The following STON2 variants were observed in gnomAD, a reference collection of about 807,000 sequenced individuals.
STON2 encodes the protein stonin 2, also known as stonin-2.
Under a neutral mutation model 65.7 loss-of-function variants are expected in STON2, and 29 were observed. The ratio of observed to expected loss-of-function variants is 0.44; its 90% CI spans 0.33 to 0.60. The LOEUF (loss-of-function observed/expected upper bound fraction) is 0.60, where lower values mean the gene tolerates loss of function less well. STON2 is among the 20% of genes least tolerant of loss of function. The probability of loss-of-function intolerance (pLI) is 0.03; values close to 1 mark genes in which losing one functional copy is unlikely to be tolerated. For synonymous variants in STON2, 404 were observed against 414.2 expected, an observed-to-expected ratio of 0.98 and a Z score of 0.30; for missense variants, 1,054 against 1,118.1, an observed-to-expected ratio of 0.94 and a Z score of 0.82.
At chr14:81,428,269 G>T (rs1902079855) in intron 1 of STON2, among the ~76,000 whole-genome samples, 1 of 151,498 alleles carries the variant, frequency 6.6e-6, no homozygotes, top group African/African-American at 2.4e-5. Context: ...TTTTATGTTT[G>T]GCAAGGATGG....
At chr14:81,287,381 C>A (rs1895377069) in intron 5 of STON2, among the ~76,000 whole-genome samples, 1 of 152,148 alleles carries the variant, frequency 6.6e-6, no homozygotes, top group Admixed American at 6.5e-5. Flanking sequence ...AAATAAAGTA[C>A]CTGGTCAGAG....
chr14:81,364,680 CAA>C (rs1186449293), intron 4 of STON2, among the ~76,000 whole-genome samples: 1 of 152,008 alleles, frequency 6.6e-6, no homozygotes, highest in Admixed American at 6.6e-5. Flanking sequence ...CGGGAATTTT[CAA>C]AGTCTTTAAT....
At chr14:81,285,945 C>G (rs1356222215) in intron 5 of STON2, among the ~76,000 whole-genome samples, 1 of 152,064 alleles carries the variant, frequency 6.6e-6, no homozygotes, top group East Asian at 1.9e-4. Context: ...GTCAGGAGTC[C>G]GAGACCAGCC....
chr14:81,371,085 G>A lies in STON2; in HGVS notation c.474C>T (p.Asp158=). ...AACATCCAAAGCTAGGACTGCTGGT[G>A]TCTTCAGAATGGGTGGTCCAGCTGC... ...SESSWTTHSE[D]TSSPSFGCSY... is the part of the protein sequence containing the mutation. The change falls in exon 4 of 8, where the codon GAC becomes GAT. Residue 158 remains aspartate, a synonymous_variant. Transcript: ENST00000614646. 1 of 1,614,102 alleles carries A rather than the reference G, an allele frequency of 6.2e-7. No homozygotes were observed. The highest frequency in any genetic ancestry group is 8.5e-7 in the Non-Finnish European group (1 of 1,180,006).
rs57272750 is a variant in STON2 at position 81,405,476 on chromosome 14, T to TTTG, written c.-198-6897_-198-6896insCAA. Among the ~76,000 whole-genome samples, 2 of 148,048 alleles carry TTTG rather than the reference T, an allele frequency of 1.4e-5. 1 individual carries two copies. The highest frequency in any genetic ancestry group is 5.1e-5 in the African/African-American group (2 of 39,552). ...GTTACTATTGTTTTTTTTTTTTTTT[T>TTTG]GCTTGACTATGGTTTTTATTTTCCT... is the stretch of plus-strand genomic sequence containing the variant. On this transcript the variant is annotated intron_variant, in intron 2 of 8. Coordinates refer to the STON2 transcript ENST00000553821.
At chr14:81,269,931 C>A in intron 7 of STON2, 1 of 985,346 alleles carries the variant, frequency 1.0e-6, no homozygotes, top group Non-Finnish European at 1.2e-6. Flanking sequence ...AGCCCAGTAC[C>A]CAGGTCATGT....
rs1239310511 is a variant in STON2 at position 81,268,293 on chromosome 14, C to A, written c.*121G>T. 2 of 1,221,960 alleles carry A rather than the reference C, an allele frequency of 1.6e-6. No homozygotes were observed. Among genetic ancestry groups the A allele is most frequent in the Non-Finnish European group, 2.1e-6 (2 of 959,444 alleles). 75.7% of individuals were successfully genotyped at this position (1,221,960 alleles called of 1,614,324 possible). A position where few individuals can be genotyped will look rare whatever the true frequency, so the allele number is the denominator to read the frequency against. ...GGAAGATCTGGTATACTGTTCCCAA[C>A]ATGCAGTGGCCACAGCAGGTATTGA... On this transcript the variant is annotated 3_prime_UTR_variant, in exon 8 of 8. Coordinates refer to ENST00000614646, the MANE Select transcript of STON2 (RefSeq NM_001394390.1).
chr14:81,423,985 A>G (rs138592809), intron 2 of STON2, among the ~76,000 whole-genome samples: 1,571 of 152,246 alleles, frequency 0.01, 25 homozygotes, highest in African/African-American at 0.036. Flanking sequence ...TGCACTACTG[A>G]CATCCCCTAT....
At chr14:81,335,019 TTGTG>T (rs61658924) in intron 4 of STON2, among the ~76,000 whole-genome samples, 6,867 of 146,264 alleles carry the variant, frequency 0.047, 374 homozygotes, top group African/African-American at 0.13. Flanking sequence ...TTTTTTGTAT[TTGTG>T]TGTGTGTGTG....
At chr14:81,297,745 AAAT>A (rs1041156980) in intron 5 of STON2, among the ~76,000 whole-genome samples, 5 of 152,248 alleles carry the variant, frequency 3.3e-5, no homozygotes, top group African/African-American at 1.2e-4. Context: ...AAAGTAATAA[AAAT>A]AACTGGCCAG....
intron 4 of STON2, among the ~76,000 whole-genome samples, chr14:81,335,180 C>A (rs1018078518): frequency 2.6e-5 from 4 of 152,120 alleles, no homozygotes; most frequent in African/African-American, 9.6e-5. Context: ...AATTTTAAAT[C>A]TAAGAGTTGG....
At chr14:81,396,278 GA>G in intron 2 of STON2, 100 bp from the exon 3 acceptor site, 1 of 1,121,996 alleles carries the variant, frequency 8.9e-7, no homozygotes, top group Non-Finnish European at 1.3e-6. Context: ...GTGCCCGCAT[GA>G]CTCGCCACTG....
intron 5 of STON2, among the ~76,000 whole-genome samples, chr14:81,287,577 T>C (rs1021949090): frequency 7.9e-5 from 12 of 152,194 alleles, no homozygotes; most frequent in African/African-American, 2.9e-4. Context: ...TAGGACAGCC[T>C]GACCTGACAC....
At chr14:81,391,053 T>C (rs895937338) in intron 3 of STON2, among the ~76,000 whole-genome samples, 6 of 152,230 alleles carry the variant, frequency 3.9e-5, no homozygotes, top group Non-Finnish European at 7.3e-5. Flanking sequence ...ATGCATGTGA[T>C]TGCAGTTAAG....
chr14:81,371,676 T>TAA (rs34428344), intron 3 of STON2, among the ~76,000 whole-genome samples: 1 of 97,688 alleles, frequency 1.0e-5, no homozygotes, highest in African/African-American at 4.5e-5. Context: ...AGACTGAGTC[T>TAA]AAAAAAAAAA....
Position 81,413,204 on chromosome 14 carries a change from G to C in STON2, c.-199+13898C>G. On this transcript the variant is annotated intron_variant, in intron 2 of 8. Coordinates refer to the STON2 transcript ENST00000553821. The stretch of plus-strand genomic sequence containing the variant: ...CAAACACTTCATCTACTTCTACCTG[G>C]GCCAAGTGGCCATTCTTCTGTTCAA... 3 of 1,546,758 alleles carry C rather than the reference G, an allele frequency of 1.9e-6. 1 individual carries two copies. Among genetic ancestry groups the C allele is most frequent in the Middle Eastern group, 4.8e-4 (2 of 4,204 alleles).
Position 81,398,487 on chromosome 14 carries a change from TC to T in STON2, c.-106del. The stretch of plus-strand genomic sequence containing the variant: ...GGTATGGTAGTACGGTAGACTTGGG[TC>T]CAGGGTCTGTTCTAGGTGTCTTGCC... On this transcript the variant is annotated 5_prime_UTR_variant, in exon 2 of 8. Transcript: ENST00000614646. 1 of 821,164 alleles carries T rather than the reference TC, an allele frequency of 1.2e-6. No individual in the cohort carries two copies. Among genetic ancestry groups the T allele is most frequent in the Non-Finnish European group, 2.0e-6 (1 of 490,740 alleles). The allele number at this position is 821,164 out of a possible 1,614,324, so 50.9% of individuals were successfully genotyped here. A position where few individuals can be genotyped will look rare whatever the true frequency, so the allele number is the denominator to read the frequency against.
At chr14:81,426,988 A>C (rs1386587331) in intron 2 of STON2, 1 of 152,222 alleles carries the variant, frequency 6.6e-6, no homozygotes, top group Non-Finnish European at 1.5e-5. Context: ...CATTGATGTC[A>C]AAGTGCTTTA....
intron 1 of STON2, among the ~76,000 whole-genome samples, chr14:81,428,096 T>C (rs761970794): frequency 6.6e-6 from 1 of 152,200 alleles, no homozygotes; most frequent in Non-Finnish European, 1.5e-5. Flanking sequence ...TAAAATAACA[T>C]GGTATAACCA....
Sources: gnomAD v4.1 joint callset for allele counts (sites outside exome capture counted in the v4.1 genomes callset) on GRCh38, gnomAD v4.1.1 for gene constraint, MANE v1.5 for transcripts, NCBI Gene and HGNC (gene_info 2026-07-23, HGNC 2026-07-21) for gene names.